Variants in FAT3 observed in about 807,000 individuals in gnomAD.
FAT3 encodes the protein protocadherin Fat 3.
Under a neutral mutation model 310.2 loss-of-function variants are expected in FAT3, and 95 were observed. The ratio of observed to expected loss-of-function variants is 0.31; its 90% confidence interval spans 0.26 to 0.36. FAT3 has a LOEUF of 0.36. Among genes scored for constraint, FAT3 ranks in the 10% least tolerant of loss-of-function variants. The pLI, the probability that FAT3 is intolerant of heterozygous loss-of-function variation, is 1.00. For missense variants in FAT3, 5,408 were observed against 5,715.6 expected, an observed-to-expected ratio of 0.95 and a Z score of 1.74; for synonymous variants, 2,314 against 2,192.9, an observed-to-expected ratio of 1.06 and a Z score of -1.54.
At chr11:92,413,110 C>A (rs1565296894) in intron 2 of FAT3, among the ~76,000 whole-genome samples, 1 of 152,156 alleles carries the variant, frequency 6.6e-6, no homozygotes, top group Non-Finnish European at 1.5e-5. Flanking sequence ...TACACCCCAA[C>A]CCCTGTCAAT....
At chr11:92,381,437 T>G (rs1049803034) in intron 2 of FAT3, among the ~76,000 whole-genome samples, 4 of 152,126 alleles carry the variant, frequency 2.6e-5, no homozygotes, top group Non-Finnish European at 4.4e-5. Context: ...TGCTCGAACA[T>G]GGGAGGCGGA....
At chr11:92,605,636 G>C (rs1189174058) in intron 3 of FAT3, among the ~76,000 whole-genome samples, 1 of 148,772 alleles carries the variant, frequency 6.7e-6, no homozygotes, top group Non-Finnish European at 1.5e-5. Context: ...AATAATAATA[G>C]TTAAAATCAC....
chr11:92,822,317 T>TA (rs549006711), intron 13 of FAT3, among the ~76,000 whole-genome samples: 4,318 of 139,998 alleles, frequency 0.031, 201 homozygotes, highest in African/African-American at 0.1. Context: ...ACAGGTTGGT[T>TA]AAAAAAAAAA....
At chr11:92,526,071 C>G (rs904188274) in intron 3 of FAT3, among the ~76,000 whole-genome samples, 1 of 152,096 alleles carries the variant, frequency 6.6e-6, no homozygotes, top group Non-Finnish European at 1.5e-5. Context: ...TATTGTAAGA[C>G]AAAGAGAGTA....
intron 5 of FAT3, among the ~76,000 whole-genome samples, chr11:92,762,727 G>A (rs974919946): frequency 1.3e-5 from 2 of 152,122 alleles, no homozygotes; most frequent in African/African-American, 4.8e-5. Flanking sequence ...GTAAAAACAA[G>A]CACGGGCACC....
chr11:92,317,465 A>T (rs971320908), intron 1 of FAT3, among the ~76,000 whole-genome samples: 1 of 152,192 alleles, frequency 6.6e-6, no homozygotes, highest in Non-Finnish European at 1.5e-5. Context: ...TTGGTTTGGT[A>T]GGGAGAAAAG....
chr11:92,301,461 G>A (rs559968358), intron 1 of FAT3, among the ~76,000 whole-genome samples: 21 of 152,230 alleles, frequency 1.4e-4, no homozygotes, highest in Admixed American at 1.2e-3. Flanking sequence ...TTAGGAGGGA[G>A]GGGGATGGAA....
intron 1 of FAT3, chr11:92,336,380 G>A (rs1184243520): frequency 1.7e-5 from 6 of 363,310 alleles, no homozygotes; most frequent in East Asian, 1.4e-4. Flanking sequence ...CAGCAGACAG[G>A]GCGACCACAG....
intron 2 of FAT3, among the ~76,000 whole-genome samples, chr11:92,448,094 T>C (rs1951263344): frequency 2.6e-5 from 4 of 152,180 alleles, no homozygotes; most frequent in Admixed American, 1.3e-4. Flanking sequence ...TTTATGCTTT[T>C]CTGTGGCCAG....
intron 11 of FAT3, 124 bp downstream of exon 11, chr11:92,805,473 A>G (rs1278115584): frequency 5.0e-6 from 5 of 994,628 alleles, no homozygotes; most frequent in Non-Finnish European, 7.1e-6. Context: ...GTGTGGGTAT[A>G]AGAGGGTAGG....
At chr11:92,581,001 T>C (rs1055691692) in intron 3 of FAT3, among the ~76,000 whole-genome samples, 5 of 152,056 alleles carry the variant, frequency 3.3e-5, no homozygotes, top group African/African-American at 9.7e-5. Flanking sequence ...TTACACATAG[T>C]TGGGTTTAGC....
At chr11:92,665,987 A>G (rs2135808095) in intron 3 of FAT3, among the ~76,000 whole-genome samples, 1 of 152,312 alleles carries the variant, frequency 6.6e-6, no homozygotes, top group African/African-American at 2.4e-5. Flanking sequence ...CCTGGACAAC[A>G]TAGCAAGACC....
Position 92,867,229 on chromosome 11 carries a change from G to A in FAT3, c.12127+20G>A, listed in dbSNP as rs1263559750. ...CGGGGGGTGAGTGTGGCTACGCAGT[G>A]GGCACTGGCCTGGGGGTTTGAGGGG... On this transcript the variant is annotated intron_variant, in intron 22 of 27. Transcript: ENST00000525166. The A allele has an allele frequency of 6.5e-7, 1 of 1,538,270 alleles. No homozygotes were observed. Among genetic ancestry groups the A allele is most frequent in the African/African-American group, 1.4e-5 (1 of 73,664 alleles).
At chr11:92,561,618 A>G (rs1189336511) in intron 3 of FAT3, among the ~76,000 whole-genome samples, 1 of 150,860 alleles carries the variant, frequency 6.6e-6, no homozygotes, top group African/African-American at 2.4e-5. Context: ...TTTATTTATC[A>G]TTTATTTATT....
At chr11:92,226,499 G>A (rs1290066115) in intron 1 of FAT3, among the ~76,000 whole-genome samples, 2 of 152,046 alleles carry the variant, frequency 1.3e-5, no homozygotes, top group Non-Finnish European at 2.9e-5. Context: ...CGGGATGAGA[G>A]GAACAGGGGT....
intron 3 of FAT3, among the ~76,000 whole-genome samples, chr11:92,610,945 C>A (rs915016110): frequency 6.6e-6 from 1 of 152,112 alleles, no homozygotes; most frequent in South Asian, 2.1e-4. Flanking sequence ...AGGAGAATAT[C>A]CCTAAGCCCA....
intron 1 of FAT3, among the ~76,000 whole-genome samples, chr11:92,296,910 G>A (rs1306646949): frequency 1.3e-5 from 2 of 152,040 alleles, no homozygotes; most frequent in Non-Finnish European, 2.9e-5. Flanking sequence ...AAACAACATA[G>A]TGATCCAGAA....
intron 22 of FAT3, among the ~76,000 whole-genome samples, chr11:92,871,640 T>C (rs1207624014): frequency 6.6e-6 from 1 of 152,236 alleles, no homozygotes; most frequent in Non-Finnish European, 1.5e-5. Flanking sequence ...CAGTATTTGC[T>C]GTCCACATCA....
At chr11:92,395,719 CA>C (rs1220344837) in intron 2 of FAT3, among the ~76,000 whole-genome samples, 1 of 151,984 alleles carries the variant, frequency 6.6e-6, no homozygotes, top group African/African-American at 2.4e-5. Context: ...GCTGGGATTA[CA>C]GGAGGCTGCA....
Sources: allele counts gnomAD v4.1 joint callset (sites outside exome capture counted in the v4.1 genomes callset), GRCh38; gene constraint gnomAD v4.1.1; transcripts MANE v1.5; gene names NCBI Gene and HGNC (gene_info 2026-07-23, HGNC 2026-07-21).